Variants in FGF13 observed in about 807,000 individuals in gnomAD.
FGF13 encodes fibroblast growth factor homologous factor 2.
A neutral mutation model predicts 19.5 loss-of-function variants in FGF13; 2 were observed. The observed-to-expected ratio is 0.10, with a 90% CI of 0.04 to 0.32. The LOEUF is 0.32. Ranked by LOEUF, FGF13 falls within the 10% of genes least tolerant of loss-of-function variation. FGF13 has a pLI of 1.00. For synonymous variants in FGF13, 72 were observed against 76.9 expected (o/e 0.94, Z 0.33); for missense variants, 113 against 192.7 (o/e 0.59, Z 2.45).
At chrX:138,643,343 A>G (rs2089270074) in intron 3 of FGF13, among the ~76,000 whole-genome samples, 1 of 112,723 alleles carries the variant, frequency 8.9e-6, no homozygotes, top group African/African-American at 3.2e-5. Context: ...GAGAACAAAC[A>G]AATACAATAC....
Position 138,644,428 on chromosome X carries a change from C to A in FGF13, c.403-8773G>T, listed in dbSNP as rs546716314. On this transcript the variant is annotated intron_variant, in intron 3 of 4. Coordinates refer to ENST00000315930, the MANE Select transcript of FGF13 (RefSeq NM_004114.5). ...AAGTAGCTGGGATTACAGGCAAGGG[C>A]CACCACACCTGGCTAATTTTTGTAT... 8.1e-5 allele frequency among the ~76,000 whole-genome samples: 9 copies of A among 111,043 alleles called. No individual in the cohort carries two copies. The Middle Eastern group carries it at 0.014, about 171-fold the overall frequency.
chrX:138,687,477 C>T (rs2089794851), intron 3 of FGF13, among the ~76,000 whole-genome samples: 1 of 111,387 alleles, frequency 9.0e-6, no homozygotes, highest in African/African-American at 3.3e-5. Flanking sequence ...GTTAAAATGG[C>T]TAATATAAAA....
rs745451863 is a variant in FGF13, at chrX:138,869,490, T to G, written c.-112-4840A>C. Among the ~76,000 whole-genome samples the G allele has an allele frequency of 4.2e-3, 469 of 112,140 alleles. 2 individuals are homozygous for G. Among genetic ancestry groups the G allele is most frequent in the African/African-American group, 0.015 (448 of 30,864 alleles). ...TGAGTCCTTGGATCCTCTTGTTTCA[T>G]TTAAAGAATGCACTGGTAAAATCCT... On this transcript the variant is annotated intron_variant, in intron 1 of 2. Transcript: ENST00000421460.
At chrX:139,124,905 T>C (rs939500929) in intron 1 of FGF13, among the ~76,000 whole-genome samples, 1 of 111,100 alleles carries the variant, frequency 9.0e-6, no homozygotes, top group East Asian at 2.8e-4. Context: ...GGCTTCCAAA[T>C]GGGAGCTCTC....
intron 1 of FGF13, among the ~76,000 whole-genome samples, chrX:138,980,492 A>C (rs1354102044): frequency 1.8e-5 from 2 of 111,992 alleles, no homozygotes; most frequent in Non-Finnish European, 3.8e-5. Context: ...TAGGGAGAGA[A>C]TGTTTTCTTT....
chrX:139,147,780 A>G (rs1473413701), intron 1 of FGF13, among the ~76,000 whole-genome samples: 1 of 109,879 alleles, frequency 9.1e-6, no homozygotes, highest in African/African-American at 3.3e-5. Context: ...TAAAGACACC[A>G]CTGATTGGAT....
chrX:138,677,187 T>C (rs1339251868), intron 3 of FGF13, among the ~76,000 whole-genome samples: 1 of 111,754 alleles, frequency 8.9e-6, no homozygotes, highest in Non-Finnish European at 1.9e-5. Flanking sequence ...GGATGGTAGC[T>C]TAAGAAATAA....
intron 1 of FGF13, among the ~76,000 whole-genome samples, chrX:138,961,282 C>G (rs1298887166): frequency 9.0e-6 from 1 of 111,657 alleles, no homozygotes; most frequent in Non-Finnish European, 1.9e-5. Context: ...AGCTGTAGGT[C>G]TGTTGGAGTT....
intron 3 of FGF13, among the ~76,000 whole-genome samples, chrX:138,828,695 A>G (rs2091051481): frequency 8.9e-6 from 1 of 111,787 alleles, no homozygotes; most frequent in South Asian, 3.7e-4. Context: ...ATGGTGTGGA[A>G]CAGTCAATAT....
chrX:138,922,015 C>T (rs1455668539), intron 1 of FGF13, among the ~76,000 whole-genome samples: 1 of 91,760 alleles, frequency 1.1e-5, no homozygotes, highest in Non-Finnish European at 2.2e-5. Context: ...ACAAAAAAAA[C>T]GACCTCTCTA....
At chrX:138,991,714 G>C (rs747627896) in intron 1 of FGF13, among the ~76,000 whole-genome samples, 1 of 111,977 alleles carries the variant, frequency 8.9e-6, no homozygotes, top group Non-Finnish European at 1.9e-5. Flanking sequence ...GAAAGTTTGG[G>C]AAAGTATTTC....
At chrX:138,676,797 T>C (rs2089672099) in intron 3 of FGF13, among the ~76,000 whole-genome samples, 1 of 112,172 alleles carries the variant, frequency 8.9e-6, no homozygotes, top group Non-Finnish European at 1.9e-5. Flanking sequence ...GGTGGTAATG[T>C]TTGCTCCCCC....
intron 1 of FGF13, among the ~76,000 whole-genome samples, chrX:139,048,166 T>C (rs771296634): frequency 1.8e-5 from 2 of 111,284 alleles, no homozygotes; most frequent in South Asian, 7.4e-4. Context: ...GAATTTACCT[T>C]TGTACATGTT....
intron 1 of FGF13, among the ~76,000 whole-genome samples, chrX:138,894,738 G>C (rs1003470362): frequency 9.0e-6 from 1 of 111,188 alleles, no homozygotes; most frequent in Admixed American, 9.5e-5. Flanking sequence ...GAGGTACAAG[G>C]AGGAGCTGGT....
In FGF13 at chrX:138,840,732, G is replaced by T. The variant is rs182145849; in HGVS notation, c.217+16780C>A. Among the ~76,000 whole-genome samples the T allele has an allele frequency of 2.7e-5, 3 of 111,515 alleles. No individual in the cohort carries two copies. In the East Asian group the frequency reaches 8.5e-4, roughly 32 times the overall value. On this transcript the variant is annotated intron_variant, in intron 3 of 6. Transcript: ENST00000436198. Reference sequence around the variant, plus strand: ...TGTTAAAATTGATATCTACCATTTTGAATCAGGATATAAAGGTACGAAGTC... The same window carrying T: ...TGTTAAAATTGATATCTACCATTTTTAATCAGGATATAAAGGTACGAAGTC...
chrX:139,088,551 A>C (rs1788336522), intron 1 of FGF13, among the ~76,000 whole-genome samples: 1 of 110,234 alleles, frequency 9.1e-6, no homozygotes, highest in Non-Finnish European at 1.9e-5. Flanking sequence ...AAAAAAAAAA[A>C]AAAAAACTCA....
At chrX:138,899,932 G>A (rs2124208272) in intron 1 of FGF13, among the ~76,000 whole-genome samples, 1 of 111,453 alleles carries the variant, frequency 9.0e-6, no homozygotes, top group East Asian at 2.8e-4. Context: ...GCACAGTTAT[G>A]TACGTATATG....
Position 138,734,961 on chromosome X carries a change from A to G in FGF13, c.28+4281T>C, listed in dbSNP as rs1407650664. On this transcript the variant is annotated intron_variant, in intron 1 of 4. Coordinates refer to the FGF13 transcript ENST00000305414. ...AAGTAGTTCTTGTAGGAAAGGAAGG[A>G]GATAAGACTAGAAAGGTATGTTGAG... is the stretch of plus-strand genomic sequence containing the variant. Among the ~76,000 whole-genome samples, 7 of 111,757 alleles carry G rather than the reference A, an allele frequency of 6.3e-5. 1 individual carries two copies. The highest frequency in any genetic ancestry group is 2.3e-4 in the African/African-American group (7 of 30,787).
At chrX:138,878,180 T>C (rs994838063) in intron 1 of FGF13, among the ~76,000 whole-genome samples, 1 of 110,528 alleles carries the variant, frequency 9.0e-6, no homozygotes, top group African/African-American at 3.3e-5. Context: ...CTTTAAGTTT[T>C]AGGGTACATG....
Sources: gnomAD v4.1 joint callset for allele counts (sites outside exome capture counted in the v4.1 genomes callset) on GRCh38, gnomAD v4.1.1 for gene constraint, MANE v1.5 for transcripts, NCBI Gene and HGNC (gene_info 2026-07-23, HGNC 2026-07-21) for gene names.